The following HDAC9 variants were observed in gnomAD, a reference collection of about 807,000 sequenced individuals.
The protein encoded by HDAC9 is histone deacetylase 9.
HDAC9 carries 41 observed loss-of-function variants against 139.4 expected under a neutral mutation model. That is an observed-to-expected ratio of 0.29 (90% CI 0.23 to 0.38). The LOEUF (loss-of-function observed/expected upper bound fraction) is 0.38, where lower values mean the gene tolerates loss of function less well. Among genes scored for constraint, HDAC9 ranks in the 10% least tolerant of loss-of-function variants. The pLI is 1.00. For missense variants in HDAC9, 1,147 were observed against 1,297.0 expected (o/e 0.88, Z 1.78); for synonymous variants, 517 against 476.2 (o/e 1.09, Z -1.12).
intron 1 of HDAC9, among the ~76,000 whole-genome samples, chr7:18,406,941 C>T (rs554591774): frequency 2.0e-5 from 3 of 152,020 alleles, no homozygotes; most frequent in African/African-American, 7.2e-5. Flanking sequence ...TCAGATATAT[C>T]TTCTTAGATA....
chr7:18,601,440 T>C (rs1280441641), intron 6 of HDAC9, among the ~76,000 whole-genome samples: 1 of 152,158 alleles, frequency 6.6e-6, no homozygotes, highest in Non-Finnish European at 1.5e-5. Context: ...ATTTCTTCAT[T>C]CCCAATCTGT....
intron 1 of HDAC9, among the ~76,000 whole-genome samples, chr7:18,412,636 T>C (rs947635455): frequency 6.6e-6 from 1 of 152,210 alleles, no homozygotes; most frequent in Non-Finnish European, 1.5e-5. Flanking sequence ...GGACTCACGC[T>C]CAGTTGTGAT....
chr7:18,773,035 A>T (rs1321603379), intron 16 of HDAC9, among the ~76,000 whole-genome samples: 1 of 152,098 alleles, frequency 6.6e-6, no homozygotes, highest in African/African-American at 2.4e-5. Context: ...ATGTGAAAAT[A>T]CATAGAATCA....
At chr7:18,657,878 G>T (rs1037779977) in intron 11 of HDAC9, among the ~76,000 whole-genome samples, 2 of 152,048 alleles carry the variant, frequency 1.3e-5, no homozygotes, top group African/African-American at 4.8e-5. Context: ...GTCATGATCT[G>T]ATTCTTGCCT....
intron 2 of HDAC9, among the ~76,000 whole-genome samples, chr7:18,204,298 A>G (rs942777206): frequency 6.7e-6 from 1 of 149,690 alleles, no homozygotes; most frequent in Non-Finnish European, 1.5e-5. Context: ...TGCTATTACA[A>G]ATTATGGCAC....
intron 7 of HDAC9, among the ~76,000 whole-genome samples, chr7:18,630,522 A>C (rs1025270152): frequency 6.6e-6 from 1 of 152,130 alleles, no homozygotes; most frequent in Non-Finnish European, 1.5e-5. Context: ...TTTGGCCGAT[A>C]ATTTTTGGAA....
At chr7:18,668,932 T>C (rs1410093035) in intron 12 of HDAC9, 1 of 961,300 alleles carries the variant, frequency 1.0e-6, no homozygotes, top group Non-Finnish European at 1.2e-6. Flanking sequence ...TCAAAATACA[T>C]TGCCAGTCTT....
intron 1 of HDAC9, among the ~76,000 whole-genome samples, chr7:18,414,834 A>G (rs1002726996): frequency 1.3e-5 from 2 of 152,216 alleles, no homozygotes; most frequent in African/African-American, 4.8e-5. Context: ...TTAATGGGGA[A>G]GCAGAGGATG....
At chr7:18,567,792 C>T (rs1326132861) in intron 2 of HDAC9, among the ~76,000 whole-genome samples, 1 of 151,912 alleles carries the variant, frequency 6.6e-6, no homozygotes. Flanking sequence ...GATAGCCAAA[C>T]TTGTAGTATT....
At chr7:18,622,979 A>G (rs1196069347) in intron 6 of HDAC9, among the ~76,000 whole-genome samples, 2 of 151,864 alleles carry the variant, frequency 1.3e-5, no homozygotes, top group East Asian at 3.9e-4. Flanking sequence ...CCCCATCTGT[A>G]TAAAAAATAC....
chr7:18,112,792 C>CTA, intron 1 of HDAC9, among the ~76,000 whole-genome samples: 1 of 152,056 alleles, frequency 6.6e-6, no homozygotes, highest in African/African-American at 2.4e-5. Context: ...CACACAGTGG[C>CTA]TATATATATG....
rs1376387961 is a variant in HDAC9, at chr7:18,846,408, C to A, written c.2684+10411C>A. Among the ~76,000 whole-genome samples, 3 of 152,188 alleles carry A rather than the reference C, an allele frequency of 2.0e-5. No individual in the cohort carries two copies. In the East Asian group the frequency reaches 5.8e-4, roughly 29 times the overall value. ...ACCTTGAGATAATTTCTAGGACTTA[C>A]ATGACCTCATTAAATTCCGACTCTA... On this transcript the variant is annotated intron_variant, in intron 21 of 25. Coordinates refer to ENST00000686413, the MANE Select transcript of HDAC9 (RefSeq NM_178425.4).
intron 15 of HDAC9, among the ~76,000 whole-genome samples, chr7:18,764,482 C>A (rs867038079): frequency 6.6e-6 from 1 of 152,176 alleles, no homozygotes; most frequent in Non-Finnish European, 1.5e-5. Context: ...AACTACTTCT[C>A]TTTCCCTAGT....
chr7:18,505,129 G>A (rs1280530777), intron 2 of HDAC9, among the ~76,000 whole-genome samples: 2 of 152,174 alleles, frequency 1.3e-5, no homozygotes, highest in Non-Finnish European at 2.9e-5. Context: ...AAGCTTCTAT[G>A]AGCGTGCTCT....
rs767995866 is a variant in HDAC9 at position 18,727,630 on chromosome 7, G to A, written c.1782G>A (p.Pro594=). The part of the protein sequence containing the change: ...HTRALSVRQA[P]LAAVGMDGLE... ...GTGCGCTCTCTGTGCGCCAAGCTCC[G>A]CTGGCTGCGGTTGGCATGGATGGAT... The change falls in exon 13 of 26, where the codon CCG becomes CCA. Residue 594 remains proline, a synonymous_variant. Coordinates refer to ENST00000686413, the MANE Select transcript of HDAC9 (RefSeq NM_178425.4). The A allele has an allele frequency of 3.8e-6, 6 of 1,587,068 alleles. No homozygotes were observed. The highest frequency in any genetic ancestry group is 1.4e-5 in the African/African-American group (1 of 73,036).
intron 25 of HDAC9, among the ~76,000 whole-genome samples, chr7:18,984,469 A>AT (rs1246311675): frequency 6.6e-6 from 1 of 152,116 alleles, no homozygotes; most frequent in Non-Finnish European, 1.5e-5. Context: ...AGAGAGAGAG[A>AT]TAACTTAGGT....
At chr7:18,812,489 A>G (rs1794251814) in intron 17 of HDAC9, among the ~76,000 whole-genome samples, 1 of 151,984 alleles carries the variant, frequency 6.6e-6, no homozygotes, top group Non-Finnish European at 1.5e-5. Flanking sequence ...CACTCTAAAG[A>G]TATATTTTCA....
intron 23 of HDAC9, among the ~76,000 whole-genome samples, chr7:18,949,956 A>G (rs1782679030): frequency 6.6e-6 from 1 of 152,068 alleles, no homozygotes; most frequent in Admixed American, 6.6e-5. Flanking sequence ...CAAACCAAAT[A>G]CCTAGAATAA....
intron 22 of HDAC9, among the ~76,000 whole-genome samples, chr7:18,906,679 G>T (rs1198023827): frequency 6.6e-6 from 1 of 152,154 alleles, no homozygotes; most frequent in African/African-American, 2.4e-5. Flanking sequence ...ATATACAGCA[G>T]TGACTCTGAA....
Sources: allele counts gnomAD v4.1 joint callset (sites outside exome capture counted in the v4.1 genomes callset), GRCh38; gene constraint gnomAD v4.1.1; transcripts MANE v1.5; gene names NCBI Gene and HGNC (gene_info 2026-07-23, HGNC 2026-07-21).